PDE9A: variants seen among roughly 807,000 people sequenced by gnomAD.
PDE9A encodes phosphodiesterase 9A.
A neutral mutation model predicts 87.4 loss-of-function variants in PDE9A; 60 were observed. The ratio of observed to expected loss-of-function variants is 0.69; its 90% CI spans 0.56 to 0.85. PDE9A has a LOEUF of 0.85. PDE9A is among the 40% of genes least tolerant of loss of function. The pLI is 0.00. For synonymous variants in PDE9A, 272 were observed against 279.4 expected, an observed-to-expected ratio of 0.97 and a Z score of 0.27; for missense variants, 665 against 779.0, an observed-to-expected ratio of 0.85 and a Z score of 1.74.
In PDE9A at chr21:42,686,205, A is replaced by C. The variant is rs762935472; in HGVS notation, c.83A>C (p.Lys28Thr). ...TCTGTTTTGCAGGTAATCTTCAGCA[A>C]GTACTGCAACTCCAGCGACATCATG... Reference protein sequence around the residue: ...DGRIQKVIFSKYCNSSDIMDL... With the variant: ...DGRIQKVIFSTYCNSSDIMDL... The change falls in exon 2 of 20, where the codon AAG becomes ACG. Residue 28 changes from lysine to threonine, a missense_variant. Lys to Thr is a moderately conservative substitution (Grantham distance 78, BLOSUM62 -1). Transcript: ENST00000291539. 3.1e-6 allele frequency: 5 copies of C among 1,613,850 alleles called. No homozygotes were observed. The South Asian group carries it at 5.5e-5, about 18-fold the overall frequency.
At chr21:42,773,765 C>T (rs543951125) in intron 19 of PDE9A, among the ~76,000 whole-genome samples, 158 of 98,236 alleles carry the variant, frequency 1.6e-3, no homozygotes, top group Non-Finnish European at 3.0e-3. Context: ...CGCGCCACTG[C>T]ACTCCAGCCT....
chr21:42,703,102 CA>C (rs1318720156), intron 4 of PDE9A, among the ~76,000 whole-genome samples: 2 of 152,216 alleles, frequency 1.3e-5, no homozygotes, highest in African/African-American at 4.8e-5. Flanking sequence ...AAGGAAGAGA[CA>C]AGCTTTTTCC....
At chr21:42,772,291 T>C in intron 18 of PDE9A, 148 bp from the exon 19 acceptor site, 2 of 612,116 alleles carry the variant, frequency 3.3e-6, no homozygotes, top group South Asian at 1.8e-5. Context: ...GAAAAGCCCA[T>C]GTCAGGAGTG....
intron 4 of PDE9A, chr21:42,724,459 G>A: frequency 4.4e-6 from 1 of 226,474 alleles, no homozygotes; most frequent in Non-Finnish European, 7.4e-6. Flanking sequence ...CTAGGGTCAG[G>A]AGAGGAGGCA....
At position 42,765,494 on chromosome 21, in the gene PDE9A, G is replaced by T. The variant is rs1264988517; in HGVS notation, c.1356G>T (p.Leu452=). The change falls in exon 15 of 20, where the codon CTG becomes CTT. Residue 452 remains leucine (L), a splice_region_variant and synonymous_variant. Transcript: ENST00000291539. ...FDYSNEEHMT[L]LKMILIKCCD... is the part of the protein sequence containing the mutation. ...ACAGCAACGAGGAGCACATGACCCT[G>T]GTGAGTGGCTTATTCTGCCTGGGTG... 1 of 1,569,678 alleles carries T rather than the reference G, an allele frequency of 6.4e-7. No homozygotes were observed. Among genetic ancestry groups the T allele is most frequent in the Non-Finnish European group, 8.8e-7 (1 of 1,140,182 alleles).
chr21:42,738,355 C>G (rs1050507456), intron 7 of PDE9A, among the ~76,000 whole-genome samples: 1 of 152,204 alleles, frequency 6.6e-6, no homozygotes, highest in African/African-American at 2.4e-5. Context: ...TGAAACACAA[C>G]TCTATTCATA....
At chr21:42,732,390 C>G (rs2051894686) in intron 6 of PDE9A, among the ~76,000 whole-genome samples, 1 of 152,230 alleles carries the variant, frequency 6.6e-6, no homozygotes, top group South Asian at 2.1e-4. Context: ...AGAATGTTCT[C>G]CACCGGCTCT....
At position 42,740,511 on chromosome 21, in the gene PDE9A, C is replaced by T. The variant is rs372508777; in HGVS notation, c.569-3265C>T. ...AGAATGGGTGGATAGAGAGATAGAA[C>T]GGATAGAAAAATAGGATGGATAAAT... On this transcript the variant is annotated intron_variant, in intron 7 of 19. Transcript: ENST00000291539. Among the ~76,000 whole-genome samples the T allele has an allele frequency of 1.1e-4, 16 of 147,970 alleles. No individual in the cohort carries two copies. The South Asian group carries it at 1.7e-3, about 16-fold the overall frequency.
chr21:42,731,168 G>C (rs1330060173), intron 4 of PDE9A, among the ~76,000 whole-genome samples: 2 of 152,182 alleles, frequency 1.3e-5, no homozygotes, highest in African/African-American at 4.8e-5. Context: ...ATGTTGGTCA[G>C]GCTGGTCTCG....
intron 10 of PDE9A, 39 bp downstream of exon 10, chr21:42,754,103 G>T: frequency 1.5e-6 from 2 of 1,359,424 alleles, no homozygotes; most frequent in Middle Eastern, 1.8e-4. Context: ...CCCAGGGGGA[G>T]GCAGCTCAGG....
intron 1 of PDE9A, among the ~76,000 whole-genome samples, chr21:42,668,163 C>G (rs1373036459): frequency 6.6e-6 from 1 of 152,164 alleles, no homozygotes; most frequent in Non-Finnish European, 1.5e-5. Flanking sequence ...GGGCTGCGTG[C>G]TGAGAGAAGG....
intron 8 of PDE9A, among the ~76,000 whole-genome samples, chr21:42,746,478 A>C (rs9637308): frequency 0.87 from 132,504 of 152,162 alleles, 58,648 homozygotes; most frequent in East Asian, 0.96. Context: ...CTGCTTCTTC[A>C]CCTGGTGCTC....
chr21:42,732,257 C>CG lies in PDE9A; in HGVS notation c.497+134dup. ...GTCTCACCTGCCTGGAGGAGCTGCC[C>CG]GCACGGTGGAAGCCTTCTGTGGCTT... On this transcript the variant is annotated intron_variant, in intron 6 of 19. Transcript: ENST00000291539. The CG allele has an allele frequency of 3.7e-6, 3 of 807,594 alleles. No homozygotes were observed. In the South Asian group the frequency reaches 4.6e-5, roughly 12 times the overall value. 50.0% of individuals were successfully genotyped at this position (807,594 alleles called of 1,614,324 possible). A position where few individuals can be genotyped will look rare whatever the true frequency, so the allele number is the denominator to read the frequency against.
At chr21:42,714,016 A>ATTTTTTTTTT (rs11403559) in intron 4 of PDE9A, among the ~76,000 whole-genome samples, 1 of 90,430 alleles carries the variant, frequency 1.1e-5, no homozygotes, top group Admixed American at 1.4e-4. Flanking sequence ...TTTCATTCCA[A>ATTTTTTTTTT]TTTTTTTTTT....
chr21:42,689,903 A>G, intron 3 of PDE9A: 5 of 959,346 alleles, frequency 5.2e-6, no homozygotes, highest in Non-Finnish European at 6.2e-6. Flanking sequence ...TTGAGGATAC[A>G]GGCGAAGAAG....
Position 42,754,055 on chromosome 21 carries a change from G to A in PDE9A, c.801G>A (p.Glu267=). The A allele has an allele frequency of 6.2e-7, 1 of 1,611,672 alleles. No homozygotes were observed. Among genetic ancestry groups the A allele is most frequent in the Non-Finnish European group, 8.5e-7 (1 of 1,178,096 alleles). ...CGACCTTTGACGTCTGGCTTTGGGAGCCCAATGAGGTAAGTGCGGGGCTTG... is the reference window on the plus strand; with the variant it reads ...CGACCTTTGACGTCTGGCTTTGGGAACCCAATGAGGTAAGTGCGGGGCTTG... ...RKPTFDVWLW[E]PNEMLSCLEH... Residue 267 remains glutamate, a synonymous_variant, in exon 10 of 20, where the codon GAG becomes GAA. Coordinates refer to ENST00000291539, the MANE Select transcript of PDE9A (RefSeq NM_002606.3).
At chr21:42,736,353 G>A (rs912201945) in intron 7 of PDE9A, among the ~76,000 whole-genome samples, 13 of 152,180 alleles carry the variant, frequency 8.5e-5, no homozygotes, top group African/African-American at 2.9e-4. Flanking sequence ...AGTGGCAGGT[G>A]AGTCGAAGAC....
rs773002737 is a variant in PDE9A, at chr21:42,759,715, T to A, written c.898-613T>A. ...TGTGGGGTGTGTCTGTGTGTGGGTG[T>A]GTGTGAGGGTGTGTGTGCATGTGTG... On this transcript the variant is annotated intron_variant, in intron 11 of 19. Transcript: ENST00000291539. The surrounding 1 kb of genome is among the most constrained non-coding windows in gnomAD (Gnocchi z 7.2). Among the ~76,000 whole-genome samples, 2 of 148,744 alleles carry A rather than the reference T, an allele frequency of 1.3e-5. No individual in the cohort carries two copies. Among genetic ancestry groups the A allele is most frequent in the Non-Finnish European group, 3.0e-5 (2 of 67,142 alleles).
intron 2 of PDE9A, among the ~76,000 whole-genome samples, chr21:42,686,584 G>A (rs2059488492): frequency 6.6e-6 from 1 of 152,212 alleles, no homozygotes; most frequent in Admixed American, 6.5e-5. Flanking sequence ...AGAGGCCGAG[G>A]TGGGCAGATC....
Sources: allele counts gnomAD v4.1 joint callset (sites outside exome capture counted in the v4.1 genomes callset), GRCh38; gene constraint gnomAD v4.1.1; non-coding constraint Gnocchi (gnomAD v3.1); transcripts MANE v1.5; gene names NCBI Gene and HGNC (gene_info 2026-07-23, HGNC 2026-07-21).